JAK2: variants seen among roughly 807,000 people sequenced by gnomAD.
JAK2 encodes tyrosine-protein kinase JAK2.
In JAK2, 86 loss-of-function variants were observed where a neutral mutation model predicts 139.3. That is an observed-to-expected ratio of 0.62 (90% CI 0.52 to 0.74). JAK2 has a LOEUF of 0.74. JAK2 is among the 30% of genes least tolerant of loss of function. The pLI, the probability that JAK2 is intolerant of heterozygous loss-of-function variation, is 0.00. For synonymous variants in JAK2, 490 were observed against 437.7 expected, an observed-to-expected ratio of 1.12 and a Z score of -1.49; for missense variants, 1,421 against 1,360.3, an observed-to-expected ratio of 1.04 and a Z score of -0.70.
intron 3 of JAK2, among the ~76,000 whole-genome samples, chr9:5,023,167 C>T (rs966359060): frequency 6.6e-6 from 1 of 152,148 alleles, no homozygotes; most frequent in Non-Finnish European, 1.5e-5. Context: ...CTCTTCCCAC[C>T]CATATAACCT....
chr9:5,116,933 G>A lies in JAK2; in HGVS notation c.3060-6071G>A, dbSNP rs146149479. On this transcript the variant is annotated intron_variant, in intron 22 of 24. Coordinates refer to ENST00000381652, the MANE Select transcript of JAK2 (RefSeq NM_004972.4). Reference sequence around the variant, plus strand: ...ACATAACAGTACAAATAATTCAGCTGAAGATTTATGTAAGATAACTAAGAT... The same window carrying A: ...ACATAACAGTACAAATAATTCAGCTAAAGATTTATGTAAGATAACTAAGAT... 1.1e-3 allele frequency among the ~76,000 whole-genome samples: 172 copies of A among 152,332 alleles called. 1 individual carries two copies. Among genetic ancestry groups the A allele is most frequent in the Admixed American group, 2.4e-3 (36 of 15,302 alleles).
chr9:5,120,185 C>G (rs1031532694), intron 22 of JAK2, among the ~76,000 whole-genome samples: 1 of 152,220 alleles, frequency 6.6e-6, no homozygotes, highest in Non-Finnish European at 1.5e-5. Flanking sequence ...ACACCATGTC[C>G]TCACATGGAC....
At chr9:5,111,430 G>C (rs1162532389) in intron 22 of JAK2, 2 of 397,408 alleles carry the variant, frequency 5.0e-6, no homozygotes, top group Admixed American at 3.3e-5. Flanking sequence ...CGAAGGTCGG[G>C]AAGGTCCCGC....
At chr9:5,025,833 TA>T (rs1822751162) in intron 3 of JAK2, among the ~76,000 whole-genome samples, 1 of 152,230 alleles carries the variant, frequency 6.6e-6, no homozygotes, top group Non-Finnish European at 1.5e-5. Flanking sequence ...TCTATTTCTT[TA>T]ATGGTTATAG....
chr9:5,043,774 A>G (rs1333501259), intron 4 of JAK2, among the ~76,000 whole-genome samples: 6 of 152,260 alleles, frequency 3.9e-5, no homozygotes, highest in African/African-American at 1.4e-4. Flanking sequence ...AATAAAAGGA[A>G]ATGAAGTAAT....
intron 2 of JAK2, among the ~76,000 whole-genome samples, chr9:4,999,467 A>C (rs906701701): frequency 1.3e-5 from 2 of 152,242 alleles, no homozygotes; most frequent in African/African-American, 4.8e-5. Context: ...AAAAGATTAC[A>C]AATGCTTATT....
At chr9:5,017,884 T>C (rs896372627) in intron 2 of JAK2, among the ~76,000 whole-genome samples, 7 of 152,216 alleles carry the variant, frequency 4.6e-5, no homozygotes, top group Admixed American at 1.3e-4. Flanking sequence ...CATTCTAGAA[T>C]TACCTTGTCT....
At chr9:5,036,271 G>A (rs1265036992) in intron 4 of JAK2, among the ~76,000 whole-genome samples, 1 of 152,160 alleles carries the variant, frequency 6.6e-6, no homozygotes, top group Non-Finnish European at 1.5e-5. Flanking sequence ...TGGGTAGGAA[G>A]AATCAATATT....
Position 5,128,099 on chromosome 9 carries a change from T to TACAC in JAK2, c.*1308_*1309insACAC, listed in dbSNP as rs1824121897. The stretch of plus-strand genomic sequence containing the variant: ...TGGGTTTTGTGTGTGTGTGTGTGTG[T>TACAC]GTGTGTGTGTGTGTGTGTGTGTTAT... On this transcript the variant is annotated 3_prime_UTR_variant, in exon 25 of 25. Coordinates refer to ENST00000381652, the MANE Select transcript of JAK2 (RefSeq NM_004972.4). The TACAC allele has an allele frequency of 2.6e-4, 61 of 231,430 alleles. No homozygotes were observed. The East Asian group carries it at 3.5e-3, about 13-fold the overall frequency. 14.3% of individuals were successfully genotyped at this position (231,430 alleles called of 1,614,324 possible).
At chr9:5,030,613 C>A (rs1190919977) in intron 4 of JAK2, among the ~76,000 whole-genome samples, 1 of 152,234 alleles carries the variant, frequency 6.6e-6, no homozygotes, top group East Asian at 1.9e-4. Context: ...AATTGGGAGT[C>A]AGGTTCAAAT....
At chr9:5,053,661 T>C (rs953437437) in intron 6 of JAK2, among the ~76,000 whole-genome samples, 1 of 152,184 alleles carries the variant, frequency 6.6e-6, no homozygotes, top group African/African-American at 2.4e-5. Context: ...GAAATGGCTA[T>C]GTACATGCTT....
intron 4 of JAK2, chr9:5,041,692 G>GT (rs202076861): frequency 5.9e-6 from 3 of 506,894 alleles, no homozygotes; most frequent in Admixed American, 2.2e-5. Context: ...GACCGAAGCG[G>GT]CTTCGTGTTC....
chr9:5,117,899 T>C (rs569898537), intron 22 of JAK2, among the ~76,000 whole-genome samples: 1 of 152,328 alleles, frequency 6.6e-6, no homozygotes, highest in African/African-American at 2.4e-5. Context: ...TCTAGGCCAC[T>C]GGTTTTCAAA....
intron 22 of JAK2, among the ~76,000 whole-genome samples, chr9:5,102,760 C>T (rs1167492382): frequency 6.6e-6 from 1 of 152,098 alleles, no homozygotes; most frequent in Admixed American, 6.5e-5. Flanking sequence ...GAGAAAAAGA[C>T]TTTTCAACCC....
intron 8 of JAK2, among the ~76,000 whole-genome samples, chr9:5,064,630 G>A (rs1818441618): frequency 6.6e-6 from 1 of 152,102 alleles, no homozygotes; most frequent in South Asian, 2.1e-4. Flanking sequence ...ATTAGTCTAA[G>A]AAGGACATTG....
chr9:5,102,079 TAAC>T (rs1821539653), intron 22 of JAK2, among the ~76,000 whole-genome samples: 1 of 152,120 alleles, frequency 6.6e-6, no homozygotes. Flanking sequence ...AGGTTGGTAA[TAAC>T]AAACTTCTCC....
At chr9:5,035,465 A>G (rs1234901416) in intron 4 of JAK2, among the ~76,000 whole-genome samples, 2 of 152,230 alleles carry the variant, frequency 1.3e-5, no homozygotes, top group Non-Finnish European at 2.9e-5. Context: ...CTTGATGAAC[A>G]TTGATGCAAA....
chr9:4,994,972 A>G (rs1026734348), intron 2 of JAK2, among the ~76,000 whole-genome samples: 1 of 152,170 alleles, frequency 6.6e-6, no homozygotes, highest in Non-Finnish European at 1.5e-5. Context: ...ATAACTAAAG[A>G]TTAAGTAGAA....
At chr9:5,026,425 G>T (rs1207977850) in intron 3 of JAK2, among the ~76,000 whole-genome samples, 1 of 152,148 alleles carries the variant, frequency 6.6e-6, no homozygotes, top group Non-Finnish European at 1.5e-5. Context: ...TTACACATCT[G>T]TAAGTAGACG....
Sources: gnomAD v4.1 joint callset for allele counts (sites outside exome capture counted in the v4.1 genomes callset) on GRCh38, gnomAD v4.1.1 for gene constraint, MANE v1.5 for transcripts, NCBI Gene and HGNC (gene_info 2026-07-23, HGNC 2026-07-21) for gene names.